SMPD3: variants seen among roughly 807,000 people sequenced by gnomAD.
SMPD3 encodes the protein nSMase-2.
SMPD3 carries 21 observed loss-of-function variants against 55.7 expected under a neutral mutation model. The observed-to-expected ratio is 0.38, with a 90% CI of 0.27 to 0.54. The LOEUF is 0.54. SMPD3 is among the 20% of genes least tolerant of loss of function. The pLI is 0.80. For synonymous variants in SMPD3, 457 were observed against 404.3 expected, an observed-to-expected ratio of 1.13 and a Z score of -1.56; for missense variants, 842 against 899.6, an observed-to-expected ratio of 0.94 and a Z score of 0.82.
chr16:68,427,092 G>C (rs1307782252), intron 1 of SMPD3, among the ~76,000 whole-genome samples: 1 of 150,928 alleles, frequency 6.6e-6, no homozygotes, highest in Non-Finnish European at 1.5e-5. Context: ...CACCTCCGGG[G>C]TTCGAGCGGT....
At chr16:68,365,202 C>A in intron 3 of SMPD3, 110 bp from the exon 4 acceptor site, 1 of 1,103,178 alleles carries the variant, frequency 9.1e-7, no homozygotes, top group Non-Finnish European at 1.3e-6. Flanking sequence ...ACAAGCCTGG[C>A]TCCTGGCTGG....
chr16:68,383,447 G>C (rs929953135), intron 2 of SMPD3, among the ~76,000 whole-genome samples: 6 of 152,228 alleles, frequency 3.9e-5, no homozygotes, highest in African/African-American at 1.2e-4. Context: ...AGTCCATGCA[G>C]TTTCAACCAG....
chr16:68,363,621 G>T, intron 6 of SMPD3, 62 bp from the exon 7 acceptor site: 1 of 1,523,482 alleles, frequency 6.6e-7, no homozygotes. Flanking sequence ...CCTCTAGGGG[G>T]TGGCCTCTGT....
chr16:68,442,988 A>G (rs2152035928), intron 1 of SMPD3, among the ~76,000 whole-genome samples: 2 of 152,282 alleles, frequency 1.3e-5, no homozygotes, highest in Admixed American at 1.3e-4. Flanking sequence ...GATATGAAGA[A>G]TTTTTCTTAA....
At chr16:68,361,450 G>T (rs2151968788) in intron 8 of SMPD3, 143 bp from the exon 9 acceptor site, 1 of 1,376,858 alleles carries the variant, frequency 7.3e-7, no homozygotes, top group South Asian at 1.3e-5. Flanking sequence ...GGGGCCTGGA[G>T]GACCTGGGGC....
At chr16:68,389,119 T>C (rs544974298) in intron 1 of SMPD3, among the ~76,000 whole-genome samples, 2 of 152,350 alleles carry the variant, frequency 1.3e-5, no homozygotes, top group African/African-American at 4.8e-5. Flanking sequence ...GCTGCTCTCC[T>C]GGCTCTGGCA....
rs111584696 is a variant in SMPD3, at chr16:68,398,286, G to A, written c.-268-11627C>T. Reference sequence around the variant, plus strand: ...ACAGAAAAGGTGCTTGAAATATAGCGCTGTTTTTATGTAGTTCTCAAATAA... The same window carrying A: ...ACAGAAAAGGTGCTTGAAATATAGCACTGTTTTTATGTAGTTCTCAAATAA... On this transcript the variant is annotated intron_variant, in intron 1 of 8. Transcript: ENST00000219334. 3.6e-4 allele frequency among the ~76,000 whole-genome samples: 55 copies of A among 152,284 alleles called. 1 individual carries two copies. The highest frequency in any genetic ancestry group is 1.1e-3 in the African/African-American group (46 of 41,546).
intron 6 of SMPD3, 92 bp downstream of exon 6, chr16:68,363,685 G>A: frequency 6.9e-7 from 1 of 1,442,232 alleles, no homozygotes; most frequent in Non-Finnish European, 9.5e-7. Flanking sequence ...CCCTTCCCCA[G>A]CAGTGGGGTC....
chr16:68,387,525 C>T (rs2090068541), intron 1 of SMPD3, among the ~76,000 whole-genome samples: 1 of 152,220 alleles, frequency 6.6e-6, no homozygotes, highest in South Asian at 2.1e-4. Flanking sequence ...ATCCCTGGCC[C>T]CAGGCAGCTC....
chr16:68,399,677 A>T (rs1038636623), intron 1 of SMPD3, among the ~76,000 whole-genome samples: 5 of 152,254 alleles, frequency 3.3e-5, no homozygotes, highest in Admixed American at 1.3e-4. Context: ...CAGACCCCCC[A>T]CTGGCCATTC....
Position 68,371,753 on chromosome 16 carries a change from G to A in SMPD3, c.429C>T (p.Asn143=). The change falls in exon 3 of 9, where the codon AAC becomes AAT. Residue 143 remains asparagine, a synonymous_variant. Coordinates refer to ENST00000219334, the MANE Select transcript of SMPD3 (RefSeq NM_018667.4). ...LLPDSLARVN[N]LFNTQARAKE... is the part of the protein sequence containing the mutation. ...TGGCCCGCGCTTGGGTGTTAAAAAG[G>A]TTGTTGACCCTGGCGAGTGAGTCGG... The A allele has an allele frequency of 6.2e-7, 1 of 1,611,690 alleles. No homozygotes were observed. Among genetic ancestry groups the A allele is most frequent in the Non-Finnish European group, 8.5e-7 (1 of 1,178,932 alleles).
intron 1 of SMPD3, among the ~76,000 whole-genome samples, chr16:68,433,982 A>G (rs932640780): frequency 6.6e-6 from 1 of 152,086 alleles, no homozygotes; most frequent in Non-Finnish European, 1.5e-5. Context: ...TAAACATACC[A>G]TATGTTAACA....
Position 68,370,888 on chromosome 16 carries a change from G to A in SMPD3, c.1294C>T (p.Leu432=). ...CYPNKCNDDA[L]ASKGALFLKV... ...AGAAACAGAGCTCCCTTAGAGGCCAGGGCATCGTCGTTACACTTGTTGGGG... is the reference window on the plus strand; with the variant it reads ...AGAAACAGAGCTCCCTTAGAGGCCAAGGCATCGTCGTTACACTTGTTGGGG... The change falls in exon 3 of 9, where the codon CTG becomes TTG. Residue 432 remains leucine (L), a synonymous_variant. Transcript: ENST00000219334. 1 of 1,613,924 alleles carries A rather than the reference G, an allele frequency of 6.2e-7. No individual in the cohort carries two copies. The highest frequency in any genetic ancestry group is 8.5e-7 in the Non-Finnish European group (1 of 1,179,912).
At chr16:68,427,367 G>C (rs1456049274) in intron 1 of SMPD3, among the ~76,000 whole-genome samples, 3 of 152,200 alleles carry the variant, frequency 2.0e-5, no homozygotes, top group African/African-American at 4.8e-5. Flanking sequence ...AAACTTGCCA[G>C]ACGGCAAGGA....
Position 68,371,620 on chromosome 16 carries a change from C to T in SMPD3, c.562G>A (p.Val188Met), listed in dbSNP as rs757608043. The T allele has an allele frequency of 8.9e-6, 14 of 1,566,314 alleles. No homozygotes were observed. Among genetic ancestry groups the T allele is most frequent in the Admixed American group, 1.9e-5 (1 of 52,992 alleles). ...ACCCCATCGCCGCCCTGTGGTGACA[C>T]CAGGCTGCTGAAGCTAGCGGCGCTG... is the stretch of plus-strand genomic sequence containing the variant. ...SISAASFSSL[V>M]SPQGGDGVAR... The change falls in exon 3 of 9, where the codon GTG (valine) becomes ATG (methionine). Residue 188 changes from valine to methionine, a missense_variant. Transcript: ENST00000219334.
rs1278091318 is a variant in SMPD3 at position 68,363,838 on chromosome 16, C to G, written c.1584G>C (p.Leu528=). 4 of 1,569,722 alleles carry G rather than the reference C, an allele frequency of 2.5e-6. No individual in the cohort carries two copies. The highest frequency in any genetic ancestry group is 1.3e-5 in the African/African-American group (1 of 74,270). The part of the protein sequence containing the change: ...SDDKLEQQHS[L]FTHYRDPCRL... Reference sequence around the variant, plus strand: ...GGCAGGGGTCCCTGTAGTGGGTGAACAGGGAGTGTTGCTGCTCCAGCTTGT... The same window carrying G: ...GGCAGGGGTCCCTGTAGTGGGTGAAGAGGGAGTGTTGCTGCTCCAGCTTGT... The change falls in exon 6 of 9, where the codon CTG becomes CTC. Residue 528 remains leucine, a synonymous_variant. Transcript: ENST00000219334.
intron 1 of SMPD3, among the ~76,000 whole-genome samples, chr16:68,436,438 A>G (rs1567811005): frequency 1.3e-5 from 2 of 152,118 alleles, no homozygotes; most frequent in South Asian, 2.1e-4. Flanking sequence ...TCCTCCTTCC[A>G]TATTACCACT....
At position 68,372,246 on chromosome 16, in the gene SMPD3, C is replaced by A; in HGVS notation, c.-65G>T. On this transcript the variant is annotated 5_prime_UTR_variant, in exon 3 of 9. Coordinates refer to ENST00000219334, the MANE Select transcript of SMPD3 (RefSeq NM_018667.4). Reference sequence around the variant, plus strand: ...TGTCCGTGGCAGCTGCGGGCACTTTCCTGGGCGAGGGTGGGCGAGTTGGGG... The same window carrying A: ...TGTCCGTGGCAGCTGCGGGCACTTTACTGGGCGAGGGTGGGCGAGTTGGGG... 1 of 1,574,314 alleles carries A rather than the reference C, an allele frequency of 6.4e-7. No individual in the cohort carries two copies. The highest frequency in any genetic ancestry group is 8.6e-7 in the Non-Finnish European group (1 of 1,161,092).
At chr16:68,426,790 C>G (rs1339681595) in intron 1 of SMPD3, among the ~76,000 whole-genome samples, 1 of 152,100 alleles carries the variant, frequency 6.6e-6, no homozygotes, top group African/African-American at 2.4e-5. Flanking sequence ...GGCTGTTCAA[C>G]TTTTTATTAA....
Sources: gnomAD v4.1 joint callset for allele counts (sites outside exome capture counted in the v4.1 genomes callset) on GRCh38, gnomAD v4.1.1 for gene constraint, MANE v1.5 for transcripts, NCBI Gene and HGNC (gene_info 2026-07-23, HGNC 2026-07-21) for gene names.